Variants in ARFGEF3 observed in about 807,000 individuals in gnomAD.
The protein encoded by ARFGEF3 is ARFGEF family member 3.
A neutral mutation model predicts 221.7 loss-of-function variants in ARFGEF3; 96 were observed. That is an observed-to-expected ratio of 0.43 (90% CI 0.37 to 0.51). The LOEUF (loss-of-function observed/expected upper bound fraction) is 0.51, where lower values mean the gene tolerates loss of function less well. ARFGEF3 is among the 20% of genes least tolerant of loss of function. ARFGEF3 has a pLI of 0.00. For missense variants in ARFGEF3, 2,410 were observed against 2,789.9 expected, an observed-to-expected ratio of 0.86 and a Z score of 3.07; for synonymous variants, 1,145 against 1,126.8, an observed-to-expected ratio of 1.02 and a Z score of -0.32.
rs549707851 is a variant in ARFGEF3, at chr6:138,323,652, T to C, written c.4767-19T>C. The stretch of plus-strand genomic sequence containing the variant: ...AACAACAACAAAAAAAAAACTCCTT[T>C]ACTTGTTTCTTTTGGCAGATACGTC... On this transcript the variant is annotated intron_variant, in intron 29 of 33. Coordinates refer to ENST00000251691, the MANE Select transcript of ARFGEF3 (RefSeq NM_020340.5). 1.8e-5 allele frequency: 29 copies of C among 1,593,906 alleles called. No homozygotes were observed. Among genetic ancestry groups the C allele is most frequent in the East Asian group, 4.5e-5 (2 of 44,808 alleles).
At chr6:138,308,543 C>T (rs1779767663) in intron 23 of ARFGEF3, among the ~76,000 whole-genome samples, 196 bp from the exon 24 acceptor site, 2 of 152,134 alleles carry the variant, frequency 1.3e-5, no homozygotes, top group Non-Finnish European at 2.9e-5. Flanking sequence ...CATCTCTCTG[C>T]CGAGCTGCTC....
In ARFGEF3 at chr6:138,322,695, T is replaced by G. The variant is rs767682704; in HGVS notation, c.4767-976T>G. ...CTGTAGTCCCAGCTACTCAGGAGGC[T>G]GAGGCAGGAGAATTGCTTGAACCCG... On this transcript the variant is annotated intron_variant, in intron 29 of 33. Coordinates refer to ENST00000251691, the MANE Select transcript of ARFGEF3 (RefSeq NM_020340.5). 5.5e-4 allele frequency among the ~76,000 whole-genome samples: 83 copies of G among 150,498 alleles called. 1 individual carries two copies. Among genetic ancestry groups the G allele is most frequent in the African/African-American group, 1.6e-3 (65 of 40,782 alleles).
chr6:138,202,694 AAAC>A (rs1196491709), intron 2 of ARFGEF3, among the ~76,000 whole-genome samples: 1 of 151,766 alleles, frequency 6.6e-6, no homozygotes, highest in Non-Finnish European at 1.5e-5. Flanking sequence ...AAAAAAAAAA[AAAC>A]CCTGTTTTTA....
rs35361957 is a variant in ARFGEF3 at position 138,336,305 on chromosome 6, A to G, written c.6353A>G (p.Asn2118Ser). ...DAEAQIQAWT[N>S]MVLTVLNQIQ... is the part of the protein sequence containing the mutation. ...AATCTTTTCTCTTAGGCATGGACCA[A>G]CATGGTGCTAACAGTTCTCAATCAG... The change falls in exon 34 of 34, where the codon AAC (asparagine) becomes AGC (serine). Residue 2118 changes from asparagine to serine, a missense_variant. Physicochemically the swap from Asn to Ser is conservative, Grantham distance 46 (BLOSUM62 1). Around this residue, in one of 5 missense-constraint regions of ARFGEF3, gnomAD observed 339 missense variants for 334.9 expected, o/e 1.01. Coordinates refer to ENST00000251691, the MANE Select transcript of ARFGEF3 (RefSeq NM_020340.5). The G allele has an allele frequency of 5.8e-5, 91 of 1,568,436 alleles. No homozygotes were observed. In the African/African-American group the frequency reaches 1.1e-3, roughly 19 times the overall value.
rs1778335881 is a variant in ARFGEF3, at chr6:138,238,506, C to T, written c.421-3C>T. On this transcript the variant is annotated splice_polypyrimidine_tract_variant and splice_region_variant and intron_variant, in intron 5 of 33. Transcript: ENST00000251691. ...GTGTGTTGCTGTCTTATTTCTTTAA[C>T]AGGTGTGCATTGAGACGTACATAAG... is the stretch of plus-strand genomic sequence containing the variant. The T allele has an allele frequency of 6.2e-7, 1 of 1,612,180 alleles. No homozygotes were observed. Among genetic ancestry groups the T allele is most frequent in the South Asian group, 1.1e-5 (1 of 90,932 alleles).
rs566858732 is a variant in ARFGEF3 at position 138,307,285 on chromosome 6, G to A, written c.3861G>A (p.Val1287=). ...CATCCATTGGTGAGCTGGTTGAAGTGTGTTCCACGCAGATCCAGTCGGGAT... is the reference window on the plus strand; with the variant it reads ...CATCCATTGGTGAGCTGGTTGAAGTATGTTCCACGCAGATCCAGTCGGGAT... ...VVTSIGELVE[V]CSTQIQSGWR... The change falls in exon 23 of 34, where the codon GTG becomes GTA. Residue 1287 remains valine (V), a synonymous_variant. Transcript: ENST00000251691. 3.7e-6 allele frequency: 6 copies of A among 1,613,854 alleles called. No homozygotes were observed. The highest frequency in any genetic ancestry group is 1.7e-5 in the Admixed American group (1 of 60,010).
chr6:138,312,934 T>C (rs1779856491), intron 25 of ARFGEF3, among the ~76,000 whole-genome samples: 1 of 152,184 alleles, frequency 6.6e-6, no homozygotes, highest in African/African-American at 2.4e-5. Context: ...GGTCTTGAAC[T>C]CCAGATCTCA....
chr6:138,180,579 G>A (rs1201920656), intron 2 of ARFGEF3, among the ~76,000 whole-genome samples: 1 of 152,020 alleles, frequency 6.6e-6, no homozygotes, highest in Non-Finnish European at 1.5e-5. Flanking sequence ...GTTGAGTTTT[G>A]CTGGTTACCA....
intron 29 of ARFGEF3, among the ~76,000 whole-genome samples, chr6:138,321,449 A>G (rs1780025889): frequency 6.6e-6 from 1 of 152,200 alleles, no homozygotes; most frequent in Admixed American, 6.5e-5. Context: ...CAGTTTCTCA[A>G]AGACATACAG....
At chr6:138,250,184 G>A (rs1437107237) in intron 8 of ARFGEF3, among the ~76,000 whole-genome samples, 2 of 152,198 alleles carry the variant, frequency 1.3e-5, no homozygotes, top group African/African-American at 4.8e-5. Context: ...CTGTAGGGGT[G>A]TGTGTTCATG....
chr6:138,162,381 G>A lies in ARFGEF3; in HGVS notation c.85+210G>A, dbSNP rs1189243165. The stretch of plus-strand genomic sequence containing the variant: ...TCCCCTCCGGTCTCTTTCACTCTCC[G>A]AAACCTTCCTCGGGAACCGCTGTCC... On this transcript the variant is annotated intron_variant, in intron 1 of 33. Transcript: ENST00000251691. This position sits in a 1 kb window ranked among gnomAD's most constrained non-coding sequence, Gnocchi z 4.7. Among the ~76,000 whole-genome samples the A allele has an allele frequency of 7.9e-5, 12 of 152,170 alleles. No individual in the cohort carries two copies. Among genetic ancestry groups the A allele is most frequent in the Non-Finnish European group, 1.2e-4 (8 of 68,010 alleles).
Position 138,254,083 on chromosome 6 carries a change from G to A in ARFGEF3, c.770+99G>A, listed in dbSNP as rs78587525. 3.4e-4 allele frequency: 244 copies of A among 713,434 alleles called. 2 individuals carry two copies. The African/African-American group carries it at 3.9e-3, about 12-fold the overall frequency. The allele number at this position is 713,434 out of a possible 1,614,324, so 44.2% of individuals were successfully genotyped here. ...TCTCCATGAAGTCCATGACCCACCA[G>A]TAGTAGTTTCATCTGTGCGTAAATG... On this transcript the variant is annotated intron_variant, in intron 9 of 33. Transcript: ENST00000251691.
At chr6:138,332,754 A>AGTAACTTTTATGTATAT (rs1780250424) in intron 32 of ARFGEF3, among the ~76,000 whole-genome samples, 1 of 152,226 alleles carries the variant, frequency 6.6e-6, no homozygotes, top group South Asian at 2.1e-4. Flanking sequence ...AAGTTAAAGT[A>AGTAACTTTTATGTATAT]GTAACTTTTA....
At chr6:138,163,217 G>GT (rs1285277445) in intron 1 of ARFGEF3, among the ~76,000 whole-genome samples, 1 of 152,182 alleles carries the variant, frequency 6.6e-6, no homozygotes, top group African/African-American at 2.4e-5. Flanking sequence ...ATTCACATAT[G>GT]TTTGGGTGTG....
chr6:138,255,087 G>A (rs927250661), intron 9 of ARFGEF3, among the ~76,000 whole-genome samples: 1 of 152,234 alleles, frequency 6.6e-6, no homozygotes, highest in Non-Finnish European at 1.5e-5. Context: ...ATAGGTGTCA[G>A]TATGGAATTT....
At chr6:138,308,567 G>A (rs1053432197) in intron 23 of ARFGEF3, among the ~76,000 whole-genome samples, 172 bp from the exon 24 acceptor site, 1 of 152,162 alleles carries the variant, frequency 6.6e-6, no homozygotes, top group Non-Finnish European at 1.5e-5. Flanking sequence ...TGCCGGCAGA[G>A]CTGAGCACCA....
At chr6:138,209,733 C>T (rs113475378) in intron 3 of ARFGEF3, among the ~76,000 whole-genome samples, 177 bp from the exon 4 acceptor site, 17 of 152,312 alleles carry the variant, frequency 1.1e-4, no homozygotes, top group African/African-American at 4.1e-4. Context: ...CAGGCATGAG[C>T]CACTGCCCTG....
At chr6:138,233,243 G>C (rs890500652) in intron 5 of ARFGEF3, among the ~76,000 whole-genome samples, 5 of 152,074 alleles carry the variant, frequency 3.3e-5, no homozygotes, top group Admixed American at 3.3e-4. Flanking sequence ...AGTTTCACTT[G>C]TTGCCCTGGG....
rs112230396 is a variant in ARFGEF3, at chr6:138,288,362, G to A, written c.2896+1178G>A. 8.6e-3 allele frequency among the ~76,000 whole-genome samples: 1,305 copies of A among 152,180 alleles called. 14 individuals are homozygous for A. Among genetic ancestry groups the A allele is most frequent in the African/African-American group, 0.03 (1,244 of 41,508 alleles). On this transcript the variant is annotated intron_variant, in intron 17 of 33. Coordinates refer to ENST00000251691, the MANE Select transcript of ARFGEF3 (RefSeq NM_020340.5). Reference sequence around the variant, plus strand: ...ATCATTCCATTGCACTCTAGCCTGGGTGACAGAGTGAGACCCTATCTCAAA... The same window carrying A: ...ATCATTCCATTGCACTCTAGCCTGGATGACAGAGTGAGACCCTATCTCAAA...
Sources: gnomAD v4.1 joint callset for allele counts (sites outside exome capture counted in the v4.1 genomes callset) on GRCh38, gnomAD v4.1.1 for gene constraint, gnomAD v4.1.1 regional missense constraint, Gnocchi (gnomAD v3.1) non-coding constraint, MANE v1.5 for transcripts, NCBI Gene and HGNC (gene_info 2026-07-23, HGNC 2026-07-21) for gene names.